The following WWOX variants were observed in gnomAD, a reference collection of about 807,000 sequenced individuals.
The protein encoded by WWOX is WW domain containing oxidoreductase, also known as WW domain-containing oxidoreductase.
Under a neutral mutation model 46.2 loss-of-function variants are expected in WWOX, and 69 were observed. That is an observed-to-expected ratio of 1.49 (90% CI 1.23 to 1.82). The LOEUF (loss-of-function observed/expected upper bound fraction) is 1.82, where lower values mean the gene tolerates loss of function less well. WWOX is among the 40% of genes most tolerant of loss of function. WWOX has a pLI of 0.00. For missense variants in WWOX, 919 were observed against 542.6 expected (o/e 1.69, Z -6.89); for synonymous variants, 359 against 202.6 (o/e 1.77, Z -6.56).
chr16:78,631,935 T>C (rs2046442029), intron 8 of WWOX, among the ~76,000 whole-genome samples: 1 of 151,752 alleles, frequency 6.6e-6, no homozygotes, highest in Non-Finnish European at 1.5e-5. Context: ...TTCTATGAAA[T>C]GACAGTGATT....
intron 8 of WWOX, among the ~76,000 whole-genome samples, chr16:79,182,896 G>A (rs1424106): frequency 0.44 from 66,534 of 152,044 alleles, 14,876 homozygotes; most frequent in Middle Eastern, 0.52. Flanking sequence ...TTTAACAAAA[G>A]CCTTCTGGGC....
intron 5 of WWOX, among the ~76,000 whole-genome samples, chr16:78,229,484 C>CTA (rs1283300864): frequency 3.0e-5 from 4 of 135,492 alleles, no homozygotes; most frequent in African/African-American, 8.6e-5. Context: ...ATATGTATAT[C>CTA]TGTATATATA....
chr16:78,500,976 C>G (rs1166388656), intron 8 of WWOX, among the ~76,000 whole-genome samples: 4 of 152,128 alleles, frequency 2.6e-5, no homozygotes, highest in South Asian at 2.1e-4. Context: ...TTTAGCTTGA[C>G]TTAAAACCCA....
chr16:78,952,409 G>T (rs1382113396), intron 8 of WWOX, among the ~76,000 whole-genome samples: 8 of 141,862 alleles, frequency 5.6e-5, no homozygotes, highest in Admixed American at 4.3e-4. Context: ...TGAGACAAAA[G>T]TCTCGCTCTG....
At chr16:78,183,738 C>T (rs1413286147) in intron 5 of WWOX, among the ~76,000 whole-genome samples, 1 of 152,256 alleles carries the variant, frequency 6.6e-6, no homozygotes, top group Middle Eastern at 3.4e-3. Context: ...GAGGTGCCCC[C>T]ACCTTTCCTT....
chr16:79,029,924 A>G (rs1176381441), intron 8 of WWOX, among the ~76,000 whole-genome samples: 2 of 152,208 alleles, frequency 1.3e-5, no homozygotes, highest in Non-Finnish European at 2.9e-5. Context: ...CTTTACTGGT[A>G]TAATAGGGGC....
chr16:79,115,693 AC>A (rs2049502394), intron 8 of WWOX, among the ~76,000 whole-genome samples: 1 of 152,192 alleles, frequency 6.6e-6, no homozygotes, highest in African/African-American at 2.4e-5. Flanking sequence ...CAGCCCCCGC[AC>A]TGGTTGCACT....
intron 5 of WWOX, among the ~76,000 whole-genome samples, chr16:78,335,803 A>G (rs1490229156): frequency 6.6e-6 from 1 of 152,114 alleles, no homozygotes; most frequent in African/African-American, 2.4e-5. Context: ...CGTTTCTAAA[A>G]GGTACTAGCT....
chr16:79,140,824 A>T (rs2050074890), intron 8 of WWOX, among the ~76,000 whole-genome samples: 1 of 152,104 alleles, frequency 6.6e-6, no homozygotes, highest in African/African-American at 2.4e-5. Flanking sequence ...AAGTAGGGGG[A>T]TCCGGAGAGT....
At chr16:78,703,141 G>GA (rs1464922054) in intron 8 of WWOX, among the ~76,000 whole-genome samples, 2 of 152,164 alleles carry the variant, frequency 1.3e-5, no homozygotes, top group African/African-American at 4.8e-5. Flanking sequence ...CAAGAGCCAA[G>GA]AGAGGGAGGG....
At chr16:78,547,994 A>C (rs554438996) in intron 8 of WWOX, among the ~76,000 whole-genome samples, 1 of 152,008 alleles carries the variant, frequency 6.6e-6, no homozygotes, top group African/African-American at 2.4e-5. Context: ...TTTTCTAAAA[A>C]CATTTTAAAA....
rs141603161 is a variant in WWOX, at chr16:78,270,032, G to A, written c.516+105743G>A. ...GATACTTTTTCAGCAGAAATGATGT[G>A]TATGATGTCATATCTAACTTTTGAT... On this transcript the variant is annotated intron_variant, in intron 5 of 8. Transcript: ENST00000566780. 6.2e-4 allele frequency among the ~76,000 whole-genome samples: 93 copies of A among 148,970 alleles called. 1 individual carries two copies. The highest frequency in any genetic ancestry group is 1.8e-3 in the African/African-American group (73 of 40,366).
At chr16:78,669,371 A>C (rs905419878) in intron 8 of WWOX, among the ~76,000 whole-genome samples, 1 of 152,216 alleles carries the variant, frequency 6.6e-6, no homozygotes, top group Non-Finnish European at 1.5e-5. Flanking sequence ...TTCAACTAGA[A>C]TGGTAGGATC....
chr16:78,784,555 A>C (rs781180046), intron 8 of WWOX, among the ~76,000 whole-genome samples: 2 of 152,142 alleles, frequency 1.3e-5, no homozygotes, highest in Admixed American at 1.3e-4. Flanking sequence ...CTCCTCATCT[A>C]CAAAGGGGGA....
At chr16:78,170,177 A>G (rs954880621) in intron 5 of WWOX, among the ~76,000 whole-genome samples, 12 of 152,122 alleles carry the variant, frequency 7.9e-5, no homozygotes, top group Admixed American at 4.6e-4. Context: ...GGGGGTGCAA[A>G]TCGTCCCCAG....
chr16:79,115,487 C>T (rs992264994), intron 8 of WWOX, among the ~76,000 whole-genome samples: 1 of 152,122 alleles, frequency 6.6e-6, no homozygotes, highest in Non-Finnish European at 1.5e-5. Flanking sequence ...ACACATTTGT[C>T]TTTGAGCCTT....
intron 8 of WWOX, among the ~76,000 whole-genome samples, chr16:78,634,912 G>C (rs2046531966): frequency 6.6e-6 from 1 of 151,364 alleles, no homozygotes; most frequent in Non-Finnish European, 1.5e-5. Flanking sequence ...AGGTGGGCTT[G>C]AGAAAAGTGC....
At chr16:78,418,304 C>T (rs996768255) in intron 6 of WWOX, among the ~76,000 whole-genome samples, 26 of 151,592 alleles carry the variant, frequency 1.7e-4, no homozygotes, top group African/African-American at 3.4e-4. Flanking sequence ...GTGGAGCTTG[C>T]AGTGAGCCGA....
chr16:78,656,387 T>C (rs185272220), intron 8 of WWOX, among the ~76,000 whole-genome samples: 44 of 152,230 alleles, frequency 2.9e-4, no homozygotes, highest in African/African-American at 1.0e-3. Flanking sequence ...GGCTAATGTA[T>C]AAAGAAAAGA....
Sources: gnomAD v4.1 joint callset for allele counts (sites outside exome capture counted in the v4.1 genomes callset) on GRCh38, gnomAD v4.1.1 for gene constraint, MANE v1.5 for transcripts, NCBI Gene and HGNC (gene_info 2026-07-23, HGNC 2026-07-21) for gene names.